The following LIMD1 variants were observed in gnomAD, a reference collection of about 807,000 sequenced individuals.
LIMD1 encodes the protein LIM domain containing 1.
Under a neutral mutation model 58.4 loss-of-function variants are expected in LIMD1, and 23 were observed. The ratio of observed to expected loss-of-function variants is 0.39; its 90% CI spans 0.28 to 0.56. LIMD1 has a LOEUF of 0.56. LIMD1 is among the 20% of genes least tolerant of loss of function. LIMD1 has a pLI of 0.57. For missense variants in LIMD1, 838 were observed against 855.5 expected (o/e 0.98, Z 0.25); for synonymous variants, 334 against 345.5 (o/e 0.97, Z 0.37).
At chr3:45,641,493 A>G (rs527543081) in intron 2 of LIMD1, among the ~76,000 whole-genome samples, 7 of 148,572 alleles carry the variant, frequency 4.7e-5, no homozygotes, top group Non-Finnish European at 7.4e-5. Context: ...CAGATTTTAT[A>G]TATAATTATA....
At position 45,596,133 on chromosome 3, in the gene LIMD1, C is replaced by T. The variant is rs1017061961; in HGVS notation, c.1254C>T (p.Leu418=). 9 of 1,614,060 alleles carry T rather than the reference C, an allele frequency of 5.6e-6. No homozygotes were observed. The highest frequency in any genetic ancestry group is 2.2e-5 in the East Asian group (1 of 44,898). The change falls in exon 1 of 8, where the codon CTC becomes CTT. Residue 418 remains leucine (L), a synonymous_variant. Transcript: ENST00000273317. Reference sequence around the variant, plus strand: ...CTGATGGTAGCCTGGGATCTGTGCTCCTGGACAGCCCCAGCTCCCCTAGGG... The same window carrying T: ...CTGATGGTAGCCTGGGATCTGTGCTTCTGGACAGCCCCAGCTCCCCTAGGG... The part of the protein sequence containing the change: ...WSSDGSLGSV[L]LDSPSSPRVR...
rs1473687995 is a variant in LIMD1 at position 45,677,338 on chromosome 3, A to G, written c.*279A>G. ...CGAGCACATGACCTGAGGTTGCATC[A>G]TAGCACCAAAGGAATCCTCCTGTCC... is the stretch of plus-strand genomic sequence containing the variant. On this transcript the variant is annotated 3_prime_UTR_variant, in exon 8 of 8. Coordinates refer to ENST00000273317, the MANE Select transcript of LIMD1 (RefSeq NM_014240.3). The G allele has an allele frequency of 8.2e-6, 3 of 363,796 alleles. No homozygotes were observed. The highest frequency in any genetic ancestry group is 8.1e-5 in the Admixed American group (2 of 24,544). 22.5% of individuals were successfully genotyped at this position (363,796 alleles called of 1,614,324 possible).
At chr3:45,676,133 T>C (rs997030351) in intron 7 of LIMD1, among the ~76,000 whole-genome samples, 2 of 152,066 alleles carry the variant, frequency 1.3e-5, no homozygotes, top group Non-Finnish European at 2.9e-5. Flanking sequence ...TCCCAGCTAC[T>C]TGGGAGGCTG....
intron 2 of LIMD1, among the ~76,000 whole-genome samples, chr3:45,657,251 T>C (rs1040210638): frequency 2.6e-5 from 4 of 152,142 alleles, no homozygotes; most frequent in Non-Finnish European, 4.4e-5. Flanking sequence ...AGGTTACCTA[T>C]CAAGTTACAT....
rs1241011422 is a variant in LIMD1 at position 45,677,195 on chromosome 3, G to C, written c.*136G>C. ...GGAGAGTTCCTGTGAGCATGTGGGG[G>C]GTGCCTTTCCTTTAACCAGGGAGGT... is the stretch of plus-strand genomic sequence containing the variant. On this transcript the variant is annotated 3_prime_UTR_variant, in exon 8 of 8. Coordinates refer to ENST00000273317, the MANE Select transcript of LIMD1 (RefSeq NM_014240.3). 7.3e-6 allele frequency: 7 copies of C among 962,608 alleles called. No individual in the cohort carries two copies. In the African/African-American group the frequency reaches 9.8e-5, roughly 13 times the overall value. The allele number at this position is 962,608 out of a possible 1,614,324, so 59.6% of individuals were successfully genotyped here.
chr3:45,603,570 T>C (rs1348686253), intron 1 of LIMD1, among the ~76,000 whole-genome samples: 3 of 152,178 alleles, frequency 2.0e-5, no homozygotes, highest in Non-Finnish European at 4.4e-5. Flanking sequence ...GCTGGTAACA[T>C]TTGTCAGTGA....
chr3:45,675,833 C>T (rs1697659966), intron 7 of LIMD1, among the ~76,000 whole-genome samples: 1 of 152,076 alleles, frequency 6.6e-6, no homozygotes, highest in Non-Finnish European at 1.5e-5. Flanking sequence ...ACAGTGAGAC[C>T]CTGTCTCTAC....
chr3:45,612,068 G>GCT (rs1185088852), intron 1 of LIMD1, among the ~76,000 whole-genome samples: 921 of 89,384 alleles, frequency 0.01, 4 homozygotes, highest in African/African-American at 0.025. Context: ...TTGCAGGTGC[G>GCT]CGCTCTCTCT....
Position 45,594,798 on chromosome 3 carries a change from C to CACACACACACACACACACACGGCACCTGG in LIMD1, c.-62_-61insGGCACCTGGACACACACACACACACACAC. On this transcript the variant is annotated 5_prime_UTR_variant, in exon 1 of 8. Coordinates refer to ENST00000273317, the MANE Select transcript of LIMD1 (RefSeq NM_014240.3). ...CCCTCAACACACACACACACACACA[C>CACACACACACACACACACACGGCACCTGG]ACACACACACACACACACACACACA... The CACACACACACACACACACACGGCACCTGG allele has an allele frequency of 7.3e-6, 1 of 136,178 alleles. No homozygotes were observed. The highest frequency in any genetic ancestry group is 4.5e-5 in the African/African-American group (1 of 22,244). 8.4% of individuals were successfully genotyped at this position (136,178 alleles called of 1,614,324 possible).
rs1697760781 is a variant in LIMD1 at position 45,682,802 on chromosome 3, C to G, written c.*5743C>G. ...TACATAGTCAAAAAGCCACAGGAGGCTGTGAGGAGAAGCTCACTGCTGCTC... is the reference window on the plus strand; with the variant it reads ...TACATAGTCAAAAAGCCACAGGAGGGTGTGAGGAGAAGCTCACTGCTGCTC... On this transcript the variant is annotated 3_prime_UTR_variant, in exon 8 of 8. Coordinates refer to ENST00000273317, the MANE Select transcript of LIMD1 (RefSeq NM_014240.3). 6.6e-6 allele frequency: 1 copy of G among 152,286 alleles called. No homozygotes were observed. The highest frequency in any genetic ancestry group is 6.5e-5 in the Admixed American group (1 of 15,286). 9.4% of individuals were successfully genotyped at this position (152,286 alleles called of 1,614,324 possible).
chr3:45,600,411 C>T (rs1012455640), intron 1 of LIMD1, among the ~76,000 whole-genome samples: 6 of 152,142 alleles, frequency 3.9e-5, no homozygotes, highest in Admixed American at 2.0e-4. Context: ...TAACTTGGCA[C>T]GGGAACTCTC....
chr3:45,662,020 A>C (rs1469829580), intron 2 of LIMD1, among the ~76,000 whole-genome samples: 2 of 152,188 alleles, frequency 1.3e-5, no homozygotes, highest in Non-Finnish European at 1.5e-5. Flanking sequence ...GGCCTCCCAA[A>C]GTGTTGGAAT....
Position 45,674,368 on chromosome 3 carries a change from T to A in LIMD1, c.1850T>A (p.Val617Glu). 2 of 1,614,098 alleles carry A rather than the reference T, an allele frequency of 1.2e-6. No individual in the cohort carries two copies. Among genetic ancestry groups the A allele is most frequent in the South Asian group, 2.2e-5 (2 of 91,078 alleles). Reference protein sequence around the residue: ...PEGSDETIRVVSMDRDYHVEC... With the variant: ...PEGSDETIRVESMDRDYHVEC... ...GGCTCAGATGAGACCATCCGTGTCG[T>A]GTCCATGGACAGAGACTACCACGTG... is the stretch of plus-strand genomic sequence containing the variant. The change falls in exon 7 of 8, where the codon GTG (valine) becomes GAG (glutamate). Residue 617 changes from valine to glutamate, a missense_variant. Coordinates refer to ENST00000273317, the MANE Select transcript of LIMD1 (RefSeq NM_014240.3).
chr3:45,595,067 A>G lies in LIMD1; in HGVS notation c.188A>G (p.Gln63Arg), dbSNP rs1701329571. ...ATCCACCTCCAGCAGCAGCAGCAGC[A>G]GCTCCTGCAGGAGGAGACTCTGCCC... is the stretch of plus-strand genomic sequence containing the variant. The part of the protein sequence containing the change: ...AKIHLQQQQQ[Q>R]LLQEETLPRG... Residue 63 changes from glutamine (Q) to arginine (R), a missense_variant, in exon 1 of 8, where the codon CAG becomes CGG. Around this residue, in one of 3 missense-constraint regions of LIMD1, gnomAD observed 659 missense variants for 639.8 expected, o/e 1.03. Transcript: ENST00000273317. 2 of 1,613,384 alleles carry G rather than the reference A, an allele frequency of 1.2e-6. No homozygotes were observed. Among genetic ancestry groups the G allele is most frequent in the South Asian group, 1.1e-5 (1 of 91,044 alleles).
chr3:45,642,215 G>C (rs142092649), intron 2 of LIMD1, among the ~76,000 whole-genome samples: 14 of 150,816 alleles, frequency 9.3e-5, no homozygotes, highest in Admixed American at 2.6e-4. Flanking sequence ...TTGCTCTGTC[G>C]TACAAGCTGG....
chr3:45,669,163 G>A (rs1697560284), intron 4 of LIMD1, among the ~76,000 whole-genome samples: 1 of 152,172 alleles, frequency 6.6e-6, no homozygotes, highest in Non-Finnish European at 1.5e-5. Context: ...TCAGTCACTG[G>A]CTCTCTGAGG....
intron 1 of LIMD1, among the ~76,000 whole-genome samples, chr3:45,606,206 C>A (rs1423888667): frequency 2.6e-5 from 4 of 152,208 alleles, no homozygotes; most frequent in Non-Finnish European, 2.9e-5. Context: ...CTGAGCTACA[C>A]AGAAGTTAAG....
At chr3:45,660,917 A>G (rs972737922) in intron 2 of LIMD1, among the ~76,000 whole-genome samples, 4 of 152,222 alleles carry the variant, frequency 2.6e-5, no homozygotes, top group Non-Finnish European at 4.4e-5. Context: ...ATTAATTTCC[A>G]TGGCTGTCAA....
chr3:45,648,386 C>T (rs1427393852), intron 2 of LIMD1, among the ~76,000 whole-genome samples: 1 of 152,170 alleles, frequency 6.6e-6, no homozygotes, highest in Non-Finnish European at 1.5e-5. Flanking sequence ...GCGTGCATTC[C>T]AGGTTCATCC....
Sources: gnomAD v4.1 joint callset for allele counts (sites outside exome capture counted in the v4.1 genomes callset) on GRCh38, gnomAD v4.1.1 for gene constraint, gnomAD v4.1.1 regional missense constraint, MANE v1.5 for transcripts, NCBI Gene and HGNC (gene_info 2026-07-23, HGNC 2026-07-21) for gene names.